CPSF1: variants seen among roughly 807,000 people sequenced by gnomAD.
The protein encoded by CPSF1 is cleavage and polyadenylation specific factor 1.
A neutral mutation model predicts 175.8 loss-of-function variants in CPSF1; 106 were observed. The observed-to-expected ratio is 0.60, with a 90% confidence interval of 0.52 to 0.71. CPSF1 has a LOEUF of 0.71. CPSF1 is among the 30% of genes least tolerant of loss of function. CPSF1 has a pLI of 0.00. For synonymous variants in CPSF1, 1,024 were observed against 858.3 expected (o/e 1.19, Z -3.37); for missense variants, 1,734 against 2,022.9 (o/e 0.86, Z 2.74).
At position 144,399,931 on chromosome 8, in the gene CPSF1, G is replaced by A; in HGVS notation, c.1031+61C>T. 1 of 1,562,398 alleles carries A rather than the reference G, an allele frequency of 6.4e-7. No homozygotes were observed. Among genetic ancestry groups the A allele is most frequent in the South Asian group, 1.1e-5 (1 of 87,452 alleles). On this transcript the variant is annotated intron_variant, in intron 10 of 37. Transcript: ENST00000616140. This position sits in a 1 kb window ranked among gnomAD's most constrained non-coding sequence, Gnocchi z 6.4. ...CCTGGGGGAGTGAAGGGGGCCAGGG[G>A]ACCCTACAGGACTTGTGGGGGGCGG...
rs2116883014 is a variant in CPSF1 at position 144,401,257 on chromosome 8, T to A, written c.341A>T (p.Asp114Val). The stretch of plus-strand genomic sequence containing the variant: ...GTAGTGCAGTGACAGGGTCTTCAGG[T>A]CATGGGTGCCCGGGTCGTACTCCAC... ...SVVEYDPGTH[D>V]LKTLSLHYFE... The change falls in exon 5 of 38, where the codon GAC becomes GTC. Residue 114 changes from aspartate to valine, a missense_variant. By Grantham distance (152) the Asp-to-Val change is radical (BLOSUM62 -3). This residue lies in a region of CPSF1 where 122 missense variants were observed against 177.2 expected (regional missense o/e 0.69). Coordinates refer to ENST00000616140, the MANE Select transcript of CPSF1 (RefSeq NM_013291.3). 11 of 1,552,678 alleles carry A rather than the reference T, an allele frequency of 7.1e-6. No homozygotes were observed. Among genetic ancestry groups the A allele is most frequent in the Non-Finnish European group, 8.7e-6 (10 of 1,148,046 alleles).
rs1820496802 is a variant in CPSF1 at position 144,393,684 on chromosome 8, G to A, written c.4128C>T (p.Leu1376=). ...LTTMLPHHAG[L]NPRAFRMLHV... The stretch of plus-strand genomic sequence containing the variant: ...GGGCTCACCGGAAGGCGCGGGGGTT[G>A]AGGCCGGCGTGGTGTGGCAGCATGG... Residue 1376 remains leucine (L), a synonymous_variant, in exon 36 of 38, where the codon CTC becomes CTT. Coordinates refer to ENST00000616140, the MANE Select transcript of CPSF1 (RefSeq NM_013291.3). The A allele has an allele frequency of 1.3e-6, 2 of 1,562,686 alleles. No individual in the cohort carries two copies. Among genetic ancestry groups the A allele is most frequent in the Non-Finnish European group, 1.7e-6 (2 of 1,160,818 alleles).
intron 26 of CPSF1, chr8:144,395,838 G>C (rs1181930861): frequency 2.0e-5 from 11 of 539,970 alleles, no homozygotes; most frequent in Admixed American, 3.2e-5. Context: ...CCCACAGACT[G>C]CCATGCTGGG....
chr8:144,395,071 AC>A lies in CPSF1; in HGVS notation c.3272+26del, dbSNP rs781852476. ...GATGCTGCCTGGAGGCCTTGGGCAG[AC>A]CCCACCCCCGCCGGCCCAGCCTCAC... On this transcript the variant is annotated intron_variant, in intron 29 of 37. Coordinates refer to ENST00000616140, the MANE Select transcript of CPSF1 (RefSeq NM_013291.3). 3 of 1,602,674 alleles carry A rather than the reference AC, an allele frequency of 1.9e-6. No individual in the cohort carries two copies. In the South Asian group the frequency reaches 3.3e-5, roughly 18 times the overall value.
intron 2 of CPSF1, among the ~76,000 whole-genome samples, chr8:144,404,415 G>C (rs1042900770): frequency 6.6e-5 from 10 of 151,104 alleles, no homozygotes; most frequent in Non-Finnish European, 1.2e-4. Flanking sequence ...CGCCAGGCTA[G>C]AGTGCAGTGG....
Position 144,394,759 on chromosome 8 carries a change from G to A in CPSF1, c.3452C>T (p.Pro1151Leu). ...IMDVIEVVPEPGQPLTKNKFK... is the reference protein window; with the variant it reads ...IMDVIEVVPELGQPLTKNKFK... ...CTTGTTCTTGGTCAAGGGCTGGCCA[G>A]GCTCGGGCACCACCTCAATCACATC... The change falls in exon 31 of 38, where the codon CCT becomes CTT. Residue 1151 changes from proline to leucine, a missense_variant. Coordinates refer to ENST00000616140, the MANE Select transcript of CPSF1 (RefSeq NM_013291.3). 3 of 1,613,652 alleles carry A rather than the reference G, an allele frequency of 1.9e-6. No individual in the cohort carries two copies. The highest frequency in any genetic ancestry group is 2.5e-6 in the Non-Finnish European group (3 of 1,179,974).
chr8:144,406,770 T>C (rs1470645117), intron 2 of CPSF1, among the ~76,000 whole-genome samples: 1 of 152,158 alleles, frequency 6.6e-6, no homozygotes, highest in Non-Finnish European at 1.5e-5. Flanking sequence ...TGATGTGGAA[T>C]GAGCACCTCA....
Position 144,399,870 on chromosome 8 carries a change from TG to T in CPSF1, c.1032-3del, listed in dbSNP as rs2116867248. ...TCGGTGATGAGGGTCAGCACGTAGC[TG>T]GGGGCAGGGAGAATTCTGAGTCGGG... On this transcript the variant is annotated splice_polypyrimidine_tract_variant and splice_region_variant and intron_variant, in intron 10 of 37. Coordinates refer to ENST00000616140, the MANE Select transcript of CPSF1 (RefSeq NM_013291.3). The surrounding 1 kb of genome is among the most constrained non-coding windows in gnomAD (Gnocchi z 6.4). The T allele has an allele frequency of 8.6e-6, 13 of 1,516,202 alleles. No homozygotes were observed. In the East Asian group the frequency reaches 2.8e-4, roughly 33 times the overall value. 93.9% of individuals were successfully genotyped at this position (1,516,202 alleles called of 1,614,324 possible).
rs781901730 is a variant in CPSF1, at chr8:144,393,651, C to T, written c.4145+16G>A. The T allele has an allele frequency of 5.7e-6, 9 of 1,566,416 alleles. No individual in the cohort carries two copies. The highest frequency in any genetic ancestry group is 2.3e-5 in the East Asian group (1 of 43,342). ...GGGTGGAGGGGGTGCTGCACGGGGG[C>T]GGGGCCGGGGCTCACCGGAAGGCGC... On this transcript the variant is annotated intron_variant, in intron 36 of 37. Coordinates refer to ENST00000616140, the MANE Select transcript of CPSF1 (RefSeq NM_013291.3).
Position 144,399,950 on chromosome 8 carries a change from G to C in CPSF1, c.1031+42C>G. ...CCAGGGGACCCTACAGGACTTGTGG[G>C]GGGCGGTGTGGGCAGAGTTCATGGG... On this transcript the variant is annotated intron_variant, in intron 10 of 37. Coordinates refer to ENST00000616140, the MANE Select transcript of CPSF1 (RefSeq NM_013291.3). This position sits in a 1 kb window ranked among gnomAD's most constrained non-coding sequence, Gnocchi z 6.4. 1 of 1,596,436 alleles carries C rather than the reference G, an allele frequency of 6.3e-7. No homozygotes were observed. The highest frequency in any genetic ancestry group is 8.5e-7 in the Non-Finnish European group (1 of 1,170,516).
chr8:144,396,486 G>A lies in CPSF1; in HGVS notation c.2841C>T (p.Gly947=), dbSNP rs370350009. 1.5e-5 allele frequency: 24 copies of A among 1,609,690 alleles called. No individual in the cohort carries two copies. Among genetic ancestry groups the A allele is most frequent in the African/African-American group, 8.0e-5 (6 of 74,856 alleles). Reference sequence around the variant, plus strand: ...TCACCAAGAGCCAGTGAGGGGAGGGGCCGCAGATGAAGACCTGGGGGCAGG... The same window carrying A: ...TCACCAAGAGCCAGTGAGGGGAGGGACCGCAGATGAAGACCTGGGGGCAGG... ...IYGYSGVFIC[G]PSPHWLLVTG... is the part of the protein sequence containing the mutation. The change falls in exon 26 of 38, where the codon GGC becomes GGT. Residue 947 remains glycine, a synonymous_variant. Transcript: ENST00000616140.
rs2116862511 is a variant in CPSF1 at position 144,399,427 on chromosome 8, TGACCAGCCCTG to T, written c.1294+14_1294+24del. 6.2e-7 allele frequency: 1 copy of T among 1,612,842 alleles called. No homozygotes were observed. Among genetic ancestry groups the T allele is most frequent in the Non-Finnish European group, 8.5e-7 (1 of 1,179,916 alleles). On this transcript the variant is annotated intron_variant, in intron 13 of 37. Coordinates refer to ENST00000616140, the MANE Select transcript of CPSF1 (RefSeq NM_013291.3). The surrounding 1 kb of genome is among the most constrained non-coding windows in gnomAD (Gnocchi z 6.4). ...GCCCTGGGTCACCTGGCCCCGCTCC[TGACCAGCCCTG>T]GACCGGCCCTCACCTGACCAGCCGG...
At position 144,394,317 on chromosome 8, in the gene CPSF1, G is replaced by A. The variant is rs781922136; in HGVS notation, c.3745-17C>T. On this transcript the variant is annotated splice_polypyrimidine_tract_variant and intron_variant, in intron 32 of 37. Transcript: ENST00000616140. ...CTTGGCATCCTGGGGGCGGGAAGGG[G>A]GCGTCAGAGGTGCCTTGGGCGGGTA... is the stretch of plus-strand genomic sequence containing the variant. 40 of 1,584,832 alleles carry A rather than the reference G, an allele frequency of 2.5e-5. No individual in the cohort carries two copies. The highest frequency in any genetic ancestry group is 3.4e-5 in the Non-Finnish European group (39 of 1,163,382).
rs139055700 is a variant in CPSF1, at chr8:144,393,914, G to A, written c.3984C>T (p.Val1328=). Residue 1328 remains valine (V), a synonymous_variant, in exon 35 of 38, where the codon GTC becomes GTT. Coordinates refer to ENST00000616140, the MANE Select transcript of CPSF1 (RefSeq NM_013291.3). The part of the protein sequence containing the change: ...GATEGLSKKS[V]VWENKHITWF... ...ACGTGATGTGCTTATTCTCCCACAC[G>A]ACCGACTTTTTGCTGAGCCCTTCAG... is the stretch of plus-strand genomic sequence containing the variant. 9.3e-6 allele frequency: 15 copies of A among 1,612,832 alleles called. No homozygotes were observed. In the African/African-American group the frequency reaches 9.4e-5, roughly 10 times the overall value.
intron 37 of CPSF1, 39 bp from the exon 38 acceptor site, chr8:144,393,404 G>A: frequency 1.5e-6 from 1 of 665,084 alleles, no homozygotes; most frequent in South Asian, 1.5e-5. Flanking sequence ...GGTGGGTGGG[G>A]ATGCACACGG....
intron 2 of CPSF1, among the ~76,000 whole-genome samples, chr8:144,406,101 T>A (rs1304746781): frequency 3.3e-5 from 5 of 152,168 alleles, no homozygotes; most frequent in Admixed American, 3.3e-4. Context: ...CCCAGGAGGA[T>A]GGCTTGAGCA....
chr8:144,400,134 G>GCCCCCCCCCCCGCCCCC (rs782373475), intron 9 of CPSF1, 32 bp downstream of exon 9: 1 of 831,946 alleles, frequency 1.2e-6, no homozygotes, highest in African/African-American at 2.5e-5. Flanking sequence ...GCCGTCCCCG[G>GCCCCCCCCCCCGCCCCC]GCCCCCCCCG....
intron 2 of CPSF1, among the ~76,000 whole-genome samples, chr8:144,407,966 CT>C (rs1821582929): frequency 1.3e-5 from 2 of 152,194 alleles, no homozygotes; most frequent in Admixed American, 6.5e-5. Context: ...CTGCGGCCTC[CT>C]GCCAATAGTG....
At chr8:144,408,882 C>T in intron 2 of CPSF1, 133 bp downstream of exon 2, 1 of 1,071,972 alleles carries the variant, frequency 9.3e-7, no homozygotes, top group Non-Finnish European at 1.3e-6. Flanking sequence ...GGGTCATGTC[C>T]TGGCTCCTCA....
Sources: allele counts gnomAD v4.1 joint callset (sites outside exome capture counted in the v4.1 genomes callset), GRCh38; gene constraint gnomAD v4.1.1; regional missense constraint gnomAD v4.1.1; non-coding constraint Gnocchi (gnomAD v3.1); transcripts MANE v1.5; gene names NCBI Gene and HGNC (gene_info 2026-07-23, HGNC 2026-07-21).